The following SEC16A variants were observed in gnomAD, a reference collection of about 807,000 sequenced individuals.
SEC16A encodes the protein SEC16 homolog A, endoplasmic reticulum export factor.
In SEC16A, 110 loss-of-function variants were observed where a neutral mutation model predicts 221.9. The ratio of observed to expected loss-of-function variants is 0.50; its 90% confidence interval spans 0.42 to 0.58. SEC16A has a LOEUF of 0.58. SEC16A is among the 20% of genes least tolerant of loss of function. The pLI is 0.00. For synonymous variants in SEC16A, 1,393 were observed against 1,257.7 expected (o/e 1.11, Z -2.28); for missense variants, 3,165 against 3,097.8 (o/e 1.02, Z -0.52).
Position 136,464,467 on chromosome 9 carries a change from G to A in SEC16A, c.4399C>T (p.Leu1467=). 1.2e-6 allele frequency: 2 copies of A among 1,612,966 alleles called. No homozygotes were observed. The highest frequency in any genetic ancestry group is 1.7e-6 in the Non-Finnish European group (2 of 1,179,048). Residue 1467 remains leucine, a synonymous_variant, in exon 9 of 32, where the codon CTG becomes TTG. Coordinates refer to ENST00000684901, the MANE Select transcript of SEC16A (RefSeq NM_014866.2). The part of the protein sequence containing the change: ...GGQLIKVIPN[L]PSEGQPALVE... ...AAGGCCGGCTGTCCTTCTGAAGGCA[G>A]ATTGGGAATCACTTTGATAAGCTGA...
Position 136,451,144 on chromosome 9 carries a change from T to C in SEC16A, c.6312+112A>G, listed in dbSNP as rs968944737. 3 of 1,117,118 alleles carry C rather than the reference T, an allele frequency of 2.7e-6. No homozygotes were observed. The Admixed American group carries it at 6.7e-5, about 25-fold the overall frequency. The allele number at this position is 1,117,118 out of a possible 1,614,324, so 69.2% of individuals were successfully genotyped here. On this transcript the variant is annotated intron_variant, in intron 23 of 31. Coordinates refer to ENST00000684901, the MANE Select transcript of SEC16A (RefSeq NM_014866.2). ...TGCACTGTAGACACTCGGCTGTTTG[T>C]ATCAGGAGGCTATTTGCATGTGTGG...
Position 136,463,145 on chromosome 9 carries a change from A to G in SEC16A, c.4648-13T>C. ...TCCCTACCACGGTCTGTTTGGGTCA[A>G]CAGGAACAGGAAGGAGAACAACGGC... On this transcript the variant is annotated splice_polypyrimidine_tract_variant and intron_variant, in intron 11 of 31. Transcript: ENST00000684901. The G allele has an allele frequency of 6.2e-7, 1 of 1,606,308 alleles. No individual in the cohort carries two copies. The highest frequency in any genetic ancestry group is 8.5e-7 in the Non-Finnish European group (1 of 1,179,556).
Position 136,476,708 on chromosome 9 carries a change from C to T in SEC16A, c.908G>A (p.Arg303Lys). The T allele has an allele frequency of 6.3e-7, 1 of 1,585,200 alleles. No homozygotes were observed. The highest frequency in any genetic ancestry group is 8.6e-7 in the Non-Finnish European group (1 of 1,163,256). The change falls in exon 3 of 32, where the codon AGG becomes AAG. Residue 303 changes from arginine (R) to lysine (K), a missense_variant. This residue lies in a region of SEC16A where 2,030 missense variants were observed against 1,923.1 expected (regional missense o/e 1.06). Coordinates refer to ENST00000684901, the MANE Select transcript of SEC16A (RefSeq NM_014866.2). Reference protein sequence around the residue: ...ANNSDPESTFRQNPRIVNHWA... With the variant: ...ANNSDPESTFKQNPRIVNHWA... ...GTGATTCACAATTCTGGGATTTTGC[C>T]TGAATGTACTTTCAGGATCAGAGTT...
intron 11 of SEC16A, 139 bp from the exon 12 acceptor site, chr9:136,463,271 C>T: frequency 7.5e-7 from 1 of 1,328,806 alleles, no homozygotes; most frequent in Non-Finnish European, 1.0e-6. Flanking sequence ...TGGGCTGAAA[C>T]CTCATCCCAT....
intron 3 of SEC16A, among the ~76,000 whole-genome samples, chr9:136,473,702 A>AT (rs1322517270): frequency 1.3e-5 from 2 of 152,276 alleles, no homozygotes; most frequent in African/African-American, 4.8e-5. Flanking sequence ...TGCAAGACAG[A>AT]ACTTTTCTGC....
chr9:136,446,937 G>C lies in SEC16A; in HGVS notation c.6710C>G (p.Pro2237Arg). The change falls in exon 28 of 32, where the codon CCA becomes CGA. Residue 2237 changes from proline (P) to arginine (R), a missense_variant. Transcript: ENST00000684901. ...CCTGCCAGTCCCGTCTGGAAGCTGT[G>C]GTTCTTCTGCATCTGGGGATGAGAG... The part of the protein sequence containing the change: ...LFVPTPDAEE[P>R]QLPDGTGREG... The C allele has an allele frequency of 6.2e-7, 1 of 1,613,670 alleles. No homozygotes were observed.
In SEC16A at chr9:136,447,312, C is replaced by G; in HGVS notation, c.6612G>C (p.Arg2204=). 6.3e-7 allele frequency: 1 copy of G among 1,592,884 alleles called. No homozygotes were observed. ...CCGCAGGAGCGAGAGCCGGCTCGCT[C>G]CGCTGGGTCCCGCTTGGGTTCAGGA... The part of the protein sequence containing the change: ...VDVLNPSGTQ[R]SEPALAPADF... Residue 2204 remains arginine (R), a synonymous_variant, in exon 27 of 32, where the codon CGG becomes CGC. Transcript: ENST00000684901. The surrounding 1 kb of genome is among the most constrained non-coding windows in gnomAD (Gnocchi z 5.5).
At chr9:136,449,084 C>T (rs1054114883) in intron 23 of SEC16A, among the ~76,000 whole-genome samples, 2 of 152,158 alleles carry the variant, frequency 1.3e-5, no homozygotes, top group East Asian at 1.9e-4. Context: ...GAACTTTTTA[C>T]GTCTAAACAC....
In SEC16A at chr9:136,468,491, G is replaced by A. The variant is rs746319058; in HGVS notation, c.3726C>T (p.Tyr1242=). ...PPPRQGYPEG[Y]YSSKSGWSSQ... ...TGCTCCATCCACTTTTGGAACTATA[G>A]TATCCTTCAGGATATCCTTGCCTGA... Residue 1242 remains tyrosine (Y), a synonymous_variant, in exon 5 of 32, where the codon TAC becomes TAT. Coordinates refer to ENST00000684901, the MANE Select transcript of SEC16A (RefSeq NM_014866.2). 3 of 1,611,352 alleles carry A rather than the reference G, an allele frequency of 1.9e-6. No homozygotes were observed. Among genetic ancestry groups the A allele is most frequent in the African/African-American group, 1.3e-5 (1 of 74,874 alleles).
At chr9:136,449,288 TC>T (rs1237185855) in intron 23 of SEC16A, among the ~76,000 whole-genome samples, 1 of 152,192 alleles carries the variant, frequency 6.6e-6, no homozygotes, top group Non-Finnish European at 1.5e-5. Context: ...TCTCGCTCTG[TC>T]CCCCAGGCTG....
intron 17 of SEC16A, among the ~76,000 whole-genome samples, chr9:136,458,319 G>A (rs991838702): frequency 2.0e-5 from 3 of 151,956 alleles, no homozygotes; most frequent in African/African-American, 4.8e-5. Flanking sequence ...AGAGAATACC[G>A]CCCTCAAATA....
intron 1 of SEC16A, among the ~76,000 whole-genome samples, chr9:136,482,390 T>TTAA (rs958138656): frequency 5.9e-5 from 9 of 152,236 alleles, no homozygotes; most frequent in Admixed American, 5.9e-4. Flanking sequence ...TGACTTTAAA[T>TTAA]GGCTCTGATG....
rs1839150752 is a variant in SEC16A, at chr9:136,459,313, ATC to A, written c.5304-76_5304-75del. 1 of 1,484,224 alleles carries A rather than the reference ATC, an allele frequency of 6.7e-7. No homozygotes were observed. The highest frequency in any genetic ancestry group is 1.4e-5 in the African/African-American group (1 of 72,432). The allele number at this position is 1,484,224 out of a possible 1,614,324, so 91.9% of individuals were successfully genotyped here. On this transcript the variant is annotated intron_variant, in intron 16 of 31. Coordinates refer to ENST00000684901, the MANE Select transcript of SEC16A (RefSeq NM_014866.2). This position sits in a 1 kb window ranked among gnomAD's most constrained non-coding sequence, Gnocchi z 6.1. ...GGCATAGTCAACCTTGGAGCAAATC[ATC>A]CAGAAGTGTGTCCCACCACGTGACA...
In SEC16A at chr9:136,475,320, A is replaced by G. The variant is rs1340285044; in HGVS notation, c.2296T>C (p.Ser766Pro). 6.2e-7 allele frequency: 1 copy of G among 1,612,852 alleles called. No homozygotes were observed. Among genetic ancestry groups the G allele is most frequent in the South Asian group, 1.1e-5 (1 of 91,058 alleles). The change falls in exon 3 of 32, where the codon TCC becomes CCC. Residue 766 changes from serine to proline, a missense_variant. By Grantham distance (74) the Ser-to-Pro change is moderately conservative. Transcript: ENST00000684901. This position sits in a 1 kb window ranked among gnomAD's most constrained non-coding sequence, Gnocchi z 5.0. ...PVVQPPEEAM[S>P]GQQSRNPSSA... ...CTTGGGTTCCGTGACTGCTGCCCGG[A>G]CATCGCCTCTTCTGGAGGCTGAACA...
At position 136,460,111 on chromosome 9, in the gene SEC16A, G is replaced by T. The variant is rs995515811; in HGVS notation, c.5004C>A (p.Ser1668Arg). The T allele has an allele frequency of 1.2e-6, 2 of 1,606,198 alleles. No individual in the cohort carries two copies. Among genetic ancestry groups the T allele is most frequent in the African/African-American group, 2.7e-5 (2 of 74,890 alleles). ...TCTGCAGAGGGTCGTTGATTGGGAGGCTGTTAGCAAACCTAGGCAGACATA... is the reference window on the plus strand; with the variant it reads ...TCTGCAGAGGGTCGTTGATTGGGAGTCTGTTAGCAAACCTAGGCAGACATA... ...HARVMTRFAN[S>R]LPINDPLQTV... Residue 1668 changes from serine to arginine, a missense_variant, in exon 14 of 32, where the codon AGC becomes AGA. By Grantham distance (110) the Ser-to-Arg change is moderately radical. This residue lies in a region of SEC16A where 1,088 missense variants were observed against 1,089.6 expected (regional missense o/e 1.00). Coordinates refer to ENST00000684901, the MANE Select transcript of SEC16A (RefSeq NM_014866.2).
rs759992950 is a variant in SEC16A at position 136,474,625 on chromosome 9, G to A, written c.2991C>T (p.Thr997=). 1.5e-5 allele frequency: 24 copies of A among 1,613,072 alleles called. No individual in the cohort carries two copies. The Admixed American group carries it at 3.0e-4, about 20-fold the overall frequency. Residue 997 remains threonine, a synonymous_variant, in exon 3 of 32, where the codon ACC becomes ACT. Coordinates refer to ENST00000684901, the MANE Select transcript of SEC16A (RefSeq NM_014866.2). Reference sequence around the variant, plus strand: ...CAGGATTTTCCAAAGTCCTGCTTAAGGTAAAGTCTAGGGCTCCGTAAGTGT... The same window carrying A: ...CAGGATTTTCCAAAGTCCTGCTTAAAGTAAAGTCTAGGGCTCCGTAAGTGT... ...QEDTYGALDF[T]LSRTLENPVN...
chr9:136,465,159 T>C (rs571347721), intron 8 of SEC16A, among the ~76,000 whole-genome samples: 1 of 151,680 alleles, frequency 6.6e-6, no homozygotes, highest in East Asian at 1.9e-4. Flanking sequence ...AACAATACTT[T>C]AAGAAAGTAA....
At position 136,451,159 on chromosome 9, in the gene SEC16A, T is replaced by G. The variant is rs1298111307; in HGVS notation, c.6312+97A>C. On this transcript the variant is annotated intron_variant, in intron 23 of 31. Coordinates refer to ENST00000684901, the MANE Select transcript of SEC16A (RefSeq NM_014866.2). ...CGGCTGTTTGTATCAGGAGGCTATT[T>G]GCATGTGTGGTGAATTAAGAGGATG... The G allele has an allele frequency of 2.4e-6, 3 of 1,274,526 alleles. No individual in the cohort carries two copies. In the African/African-American group the frequency reaches 4.5e-5, roughly 19 times the overall value. 79.0% of individuals were successfully genotyped at this position (1,274,526 alleles called of 1,614,324 possible).
chr9:136,481,860 G>A (rs1221715724), intron 1 of SEC16A, among the ~76,000 whole-genome samples: 1 of 152,268 alleles, frequency 6.6e-6, no homozygotes, highest in South Asian at 2.1e-4. Context: ...CAGCGACAGA[G>A]GAGGCCAGCA....
Sources: gnomAD v4.1 joint callset for allele counts (sites outside exome capture counted in the v4.1 genomes callset) on GRCh38, gnomAD v4.1.1 for gene constraint, gnomAD v4.1.1 regional missense constraint, Gnocchi (gnomAD v3.1) non-coding constraint, MANE v1.5 for transcripts, NCBI Gene and HGNC (gene_info 2026-07-23, HGNC 2026-07-21) for gene names.